Variants in ORC4 observed in about 807,000 individuals in gnomAD.
The protein encoded by ORC4 is origin recognition complex subunit 4.
ORC4 carries 55 observed loss-of-function variants against 63.9 expected under a neutral mutation model. That is an observed-to-expected ratio of 0.86 (90% CI 0.69 to 1.08). ORC4 has a LOEUF of 1.08. Ranked by LOEUF, ORC4 falls within the 50% of genes least tolerant of loss-of-function variation. ORC4 has a pLI of 0.00. For missense variants in ORC4, 511 were observed against 504.4 expected (o/e 1.01, Z -0.13); for synonymous variants, 150 against 168.5 (o/e 0.89, Z 0.85).
chr2:148,005,656 CAAA>C (rs55869341), intron 1 of ORC4, among the ~76,000 whole-genome samples: 13 of 51,486 alleles, frequency 2.5e-4, no homozygotes, highest in South Asian at 1.1e-3. Flanking sequence ...ACTATCCATG[CAAA>C]AAAAAAAAAA....
chr2:147,939,897 G>A (rs17232008), intron 10 of ORC4, among the ~76,000 whole-genome samples: 1,922 of 152,066 alleles, frequency 0.013, 46 homozygotes, highest in African/African-American at 0.044. Context: ...TGGTCATTTA[G>A]GGTTACAAGA....
At chr2:147,936,421 A>G (rs1221285382) in intron 13 of ORC4, 1 of 148,244 alleles carries the variant, frequency 6.7e-6, no homozygotes, top group East Asian at 2.1e-4. Context: ...TTAGGTTATG[A>G]AAAAAAAAAC....
intron 1 of ORC4, among the ~76,000 whole-genome samples, chr2:148,006,320 G>C (rs867719469): frequency 1.3e-5 from 2 of 152,052 alleles, no homozygotes; most frequent in Non-Finnish European, 2.9e-5. Context: ...CCCCCAAGGA[G>C]AGTAATTGGT....
intron 1 of ORC4, among the ~76,000 whole-genome samples, chr2:148,019,778 C>G (rs551511360): frequency 6.6e-6 from 1 of 152,134 alleles, no homozygotes; most frequent in African/African-American, 2.4e-5. Context: ...AAAGAACCAG[C>G]ACTGTTTCAC....
chr2:147,966,595 A>G (rs1292636982), intron 4 of ORC4, among the ~76,000 whole-genome samples: 2 of 152,218 alleles, frequency 1.3e-5, no homozygotes, highest in African/African-American at 2.4e-5. Context: ...AATAAATTAC[A>G]AAACCTAAAG....
intron 1 of ORC4, among the ~76,000 whole-genome samples, chr2:148,008,721 C>T (rs779877287): frequency 3.3e-5 from 5 of 152,102 alleles, no homozygotes; most frequent in South Asian, 4.1e-4. Flanking sequence ...TTAGCCCGTG[C>T]GGTCTAACCC....
At chr2:148,009,055 T>C (rs1035705531) in intron 1 of ORC4, among the ~76,000 whole-genome samples, 1 of 152,166 alleles carries the variant, frequency 6.6e-6, no homozygotes, top group Non-Finnish European at 1.5e-5. Context: ...TTTCTGTGCG[T>C]GTATTTTTTC....
At chr2:147,993,744 T>C (rs1186692373) in intron 1 of ORC4, among the ~76,000 whole-genome samples, 1 of 152,126 alleles carries the variant, frequency 6.6e-6, no homozygotes, top group Non-Finnish European at 1.5e-5. Context: ...AAGACAGCAT[T>C]ATATGGCTTA....
At chr2:147,981,530 C>T (rs1394848866) in intron 1 of ORC4, among the ~76,000 whole-genome samples, 1 of 152,144 alleles carries the variant, frequency 6.6e-6, no homozygotes, top group Non-Finnish European at 1.5e-5. Flanking sequence ...GGTGGAACCT[C>T]TAACAGGGGA....
rs186197531 is a variant in ORC4 at position 148,018,898 on chromosome 2, A to G, written c.-18+1735T>C. Among the ~76,000 whole-genome samples, 38 of 152,356 alleles carry G rather than the reference A, an allele frequency of 2.5e-4. No individual in the cohort carries two copies. The East Asian group carries it at 6.9e-3, about 28-fold the overall frequency. On this transcript the variant is annotated intron_variant, in intron 1 of 13. Coordinates refer to ENST00000392857, the MANE Select transcript of ORC4 (RefSeq NM_181741.4). ...GCTTCTCAGGTGCCACAGACGTTCT[A>G]GTTCTTGACTGTGGCAGCGCTTACA...
rs147588806 is a variant in ORC4, at chr2:147,992,537, C to T, written c.-17-16562G>A. 1.2e-3 allele frequency among the ~76,000 whole-genome samples: 178 copies of T among 152,224 alleles called. 1 individual carries two copies. Among genetic ancestry groups the T allele is most frequent in the African/African-American group, 4.1e-3 (171 of 41,522 alleles). On this transcript the variant is annotated intron_variant, in intron 1 of 13. Coordinates refer to ENST00000392857, the MANE Select transcript of ORC4 (RefSeq NM_181741.4). The stretch of plus-strand genomic sequence containing the variant: ...TAGACAAATTTTCCTTGAAAAGCCC[C>T]AAACTACACATAAATTACAGAACTG...
intron 1 of ORC4, among the ~76,000 whole-genome samples, chr2:148,016,190 G>A (rs1693272942): frequency 6.6e-6 from 1 of 151,994 alleles, no homozygotes; most frequent in Non-Finnish European, 1.5e-5. Flanking sequence ...TTTCTCAATC[G>A]GACTGTGAGG....
intron 8 of ORC4, among the ~76,000 whole-genome samples, chr2:147,951,186 T>C (rs1323473339): frequency 6.6e-6 from 1 of 152,154 alleles, no homozygotes; most frequent in Non-Finnish European, 1.5e-5. Context: ...AGTTTCACTT[T>C]TCTGAAAAAG....
chr2:147,998,805 G>A (rs138484818), intron 1 of ORC4, among the ~76,000 whole-genome samples: 2 of 152,106 alleles, frequency 1.3e-5, no homozygotes, highest in Non-Finnish European at 2.9e-5. Context: ...TTTATTGGAG[G>A]TGAGGAGAGA....
At chr2:147,976,727 A>G (rs933569958) in intron 1 of ORC4, among the ~76,000 whole-genome samples, 3 of 152,184 alleles carry the variant, frequency 2.0e-5, no homozygotes, top group Non-Finnish European at 2.9e-5. Flanking sequence ...TTAAACACTC[A>G]TAAGTGCCTG....
At chr2:147,939,876 A>G (rs1007290836) in intron 10 of ORC4, among the ~76,000 whole-genome samples, 1 of 152,148 alleles carries the variant, frequency 6.6e-6, no homozygotes. Context: ...ATTTTTCATG[A>G]AAGTTAAATT....
rs1687930117 is a variant in ORC4, at chr2:147,934,384, G to GCTT, written c.*1123_*1125dup. The GCTT allele has an allele frequency of 6.6e-6, 1 of 152,140 alleles. No homozygotes were observed. The highest frequency in any genetic ancestry group is 1.5e-5 in the Non-Finnish European group (1 of 67,996). 9.4% of individuals were successfully genotyped at this position (152,140 alleles called of 1,614,324 possible). A position where few individuals can be genotyped will look rare whatever the true frequency, so the allele number is the denominator to read the frequency against. ...TCTTGGAACTTACTTAAAAGACAAT[G>GCTT]CTTTGACGGACATTTCCACATTCCT... is the stretch of plus-strand genomic sequence containing the variant. On this transcript the variant is annotated 3_prime_UTR_variant, in exon 14 of 14. Transcript: ENST00000392857.
intron 7 of ORC4, among the ~76,000 whole-genome samples, chr2:147,952,813 G>C (rs913515261): frequency 1.3e-5 from 2 of 151,744 alleles, no homozygotes; most frequent in African/African-American, 4.8e-5. Context: ...GATCACCTGA[G>C]GTCGGGAGTT....
rs536863396 is a variant in ORC4 at position 147,962,867 on chromosome 2, T to C, written c.226-4001A>G. On this transcript the variant is annotated intron_variant, in intron 4 of 13. Coordinates refer to ENST00000392857, the MANE Select transcript of ORC4 (RefSeq NM_181741.4). ...GTGCCCACAATCAGAGCCTGAAAAA[T>C]AGCCCAGAAGGTTACCCCTGGCAGG... 1.3e-5 allele frequency among the ~76,000 whole-genome samples: 2 copies of C among 151,858 alleles called. 1 individual carries two copies. Among genetic ancestry groups the C allele is most frequent in the South Asian group, 4.2e-4 (2 of 4,802 alleles).
Sources: gnomAD v4.1 joint callset for allele counts (sites outside exome capture counted in the v4.1 genomes callset) on GRCh38, gnomAD v4.1.1 for gene constraint, MANE v1.5 for transcripts, NCBI Gene and HGNC (gene_info 2026-07-23, HGNC 2026-07-21) for gene names.